CCBE1: variants seen among roughly 807,000 people sequenced by gnomAD.
CCBE1 encodes collagen and calcium binding EGF domains 1.
A neutral mutation model predicts 50.0 loss-of-function variants in CCBE1; 37 were observed. The ratio of observed to expected loss-of-function variants is 0.74; its 90% CI spans 0.57 to 0.97. The LOEUF (loss-of-function observed/expected upper bound fraction) is 0.97. Ranked by LOEUF, CCBE1 falls within the 50% of genes least tolerant of loss-of-function variation. The pLI is 0.00. For missense variants in CCBE1, 538 were observed against 523.8 expected, an observed-to-expected ratio of 1.03 and a Z score of -0.26; for synonymous variants, 234 against 203.7, an observed-to-expected ratio of 1.15 and a Z score of -1.27.
intron 2 of CCBE1, among the ~76,000 whole-genome samples, chr18:59,550,998 C>CAAAAAAAAAAAAAAAAAAAAAAGAAAAAA (rs1915894498): frequency 2.8e-5 from 2 of 71,362 alleles, no homozygotes; most frequent in Non-Finnish European, 5.1e-5. Context: ...CAGCGAGACT[C>CAAAAAAAAAAAAAAAAAAAAAAGAAAAAA]AAAAAAAAAA....
At chr18:59,489,405 T>C (rs1258853700) in intron 2 of CCBE1, among the ~76,000 whole-genome samples, 1 of 149,898 alleles carries the variant, frequency 6.7e-6, no homozygotes, top group Non-Finnish European at 1.5e-5. Context: ...TTCTTATTTT[T>C]CTTCTTTTTA....
chr18:59,634,475 C>T (rs532685495), intron 2 of CCBE1, among the ~76,000 whole-genome samples: 12 of 152,302 alleles, frequency 7.9e-5, no homozygotes, highest in African/African-American at 1.4e-4. Flanking sequence ...CCCGTGGAGG[C>T]CTGCTCTCAA....
intron 2 of CCBE1, among the ~76,000 whole-genome samples, chr18:59,657,029 A>T (rs1313128692): frequency 6.6e-6 from 1 of 152,182 alleles, no homozygotes; most frequent in Non-Finnish European, 1.5e-5. Flanking sequence ...GGACCCCAGA[A>T]TGTCTCCACC....
chr18:59,597,754 G>T (rs2053374766), intron 2 of CCBE1, among the ~76,000 whole-genome samples: 1 of 152,080 alleles, frequency 6.6e-6, no homozygotes, highest in African/African-American at 2.4e-5. Context: ...TTCATTCTCA[G>T]GAATGGTTTG....
rs1246911406 is a variant in CCBE1 at position 59,666,617 on chromosome 18, G to C, written c.212+30012C>G. Among the ~76,000 whole-genome samples, 3 of 151,650 alleles carry C rather than the reference G, an allele frequency of 2.0e-5. No homozygotes were observed. The East Asian group carries it at 5.8e-4, about 29-fold the overall frequency. ...AAGCTACAAGACACTTTTTTTTTGAGGTGGGGGGGTGGGGGCAGGGAACAA... is the reference window on the plus strand; with the variant it reads ...AAGCTACAAGACACTTTTTTTTTGACGTGGGGGGGTGGGGGCAGGGAACAA... On this transcript the variant is annotated intron_variant, in intron 2 of 10. Transcript: ENST00000439986.
intron 1 of CCBE1, 47 bp downstream of exon 1, chr18:59,697,165 G>A (rs1253247389): frequency 1.3e-6 from 2 of 1,546,420 alleles, no homozygotes; most frequent in South Asian, 1.2e-5. Flanking sequence ...CGAGCCGGGC[G>A]CGCATCAAGC....
chr18:59,620,512 C>T (rs1400835928), intron 2 of CCBE1, among the ~76,000 whole-genome samples: 2 of 152,170 alleles, frequency 1.3e-5, no homozygotes, highest in African/African-American at 2.4e-5. Flanking sequence ...AGGACAGGTG[C>T]TAATATGGTT....
intron 2 of CCBE1, among the ~76,000 whole-genome samples, chr18:59,679,945 C>T (rs1334329770): frequency 1.3e-5 from 2 of 152,130 alleles, no homozygotes; most frequent in African/African-American, 2.4e-5. Flanking sequence ...CAATCAAGGC[C>T]GGGCACAGTT....
intron 5 of CCBE1, 26 bp downstream of exon 5, chr18:59,466,713 G>GAGAT: frequency 6.3e-7 from 1 of 1,581,720 alleles, no homozygotes; most frequent in East Asian, 2.3e-5. Flanking sequence ...TGTAATTAGG[G>GAGAT]AGATATTTAG....
chr18:59,600,632 G>A (rs947569051), intron 2 of CCBE1, among the ~76,000 whole-genome samples: 8 of 152,104 alleles, frequency 5.3e-5, no homozygotes, highest in Admixed American at 6.6e-5. Context: ...ACCCGGGTTA[G>A]CAAAGGTCCT....
rs1482601078 is a variant in CCBE1 at position 59,652,479 on chromosome 18, C to CT, written c.212+44149_212+44150insA. ...TAAAGGTAACACAAACTGACTCCCC[C>CT]CCTTTTTTTTTAATGTAAACTCCAT... is the stretch of plus-strand genomic sequence containing the variant. On this transcript the variant is annotated intron_variant, in intron 2 of 10. Transcript: ENST00000439986. 5.0e-3 allele frequency among the ~76,000 whole-genome samples: 549 copies of CT among 109,706 alleles called. 2 individuals carry two copies. The highest frequency in any genetic ancestry group is 0.044 in the Middle Eastern group (10 of 226). The allele number at this position is 109,706 out of a possible 152,430, so 72.0% of individuals were successfully genotyped here. A position where few individuals can be genotyped will look rare whatever the true frequency, so the allele number is the denominator to read the frequency against.
chr18:59,630,010 T>C (rs376314617), intron 2 of CCBE1, among the ~76,000 whole-genome samples: 3 of 152,228 alleles, frequency 2.0e-5, no homozygotes, highest in African/African-American at 7.2e-5. Context: ...AAAAGGAGCC[T>C]ACTTTCTATT....
Position 59,439,529 on chromosome 18 carries a change from C to G in CCBE1, c.951+14G>C, listed in dbSNP as rs1221540955. The G allele has an allele frequency of 6.2e-7, 1 of 1,614,064 alleles. No individual in the cohort carries two copies. The highest frequency in any genetic ancestry group is 1.3e-5 in the African/African-American group (1 of 74,936). On this transcript the variant is annotated intron_variant, in intron 9 of 10. Coordinates refer to ENST00000439986, the MANE Select transcript of CCBE1 (RefSeq NM_133459.4). ...AGAGACCTTTAGCTTGTGAGGACCA[C>G]TCATAAGGCTTACCTTAGAACCATC...
intron 2 of CCBE1, among the ~76,000 whole-genome samples, chr18:59,630,334 T>C (rs183584928): frequency 6.6e-6 from 1 of 152,358 alleles, no homozygotes; most frequent in East Asian, 1.9e-4. Context: ...CACATTTGTG[T>C]TGAGATCATA....
intron 2 of CCBE1, among the ~76,000 whole-genome samples, chr18:59,582,744 C>T (rs1412103578): frequency 1.3e-5 from 2 of 152,012 alleles, no homozygotes; most frequent in East Asian, 3.9e-4. Flanking sequence ...AGGTAAAAAA[C>T]TAATACTCAA....
Position 59,667,471 on chromosome 18 carries a change from C to T in CCBE1, c.212+29158G>A, listed in dbSNP as rs189580824. Among the ~76,000 whole-genome samples, 145 of 152,240 alleles carry T rather than the reference C, an allele frequency of 9.5e-4. 2 individuals carry two copies. In the South Asian group the frequency reaches 0.021, roughly 22 times the overall value. ...TGAAGCACTGAGGGGCTGGCAACAGCAGGAAACTGCTACCCCATCACCTGA... is the reference window on the plus strand; with the variant it reads ...TGAAGCACTGAGGGGCTGGCAACAGTAGGAAACTGCTACCCCATCACCTGA... On this transcript the variant is annotated intron_variant, in intron 2 of 10. Coordinates refer to ENST00000439986, the MANE Select transcript of CCBE1 (RefSeq NM_133459.4).
intron 6 of CCBE1, among the ~76,000 whole-genome samples, chr18:59,453,121 C>T (rs770900908): frequency 3.3e-5 from 5 of 152,186 alleles, no homozygotes; most frequent in South Asian, 2.1e-4. Context: ...GAATGACTTG[C>T]GCTATTTAGC....
chr18:59,613,116 G>A (rs528954775), intron 2 of CCBE1, among the ~76,000 whole-genome samples: 21 of 152,070 alleles, frequency 1.4e-4, no homozygotes, highest in African/African-American at 4.3e-4. Flanking sequence ...TGCTCTTATC[G>A]GAAGTAACTG....
At chr18:59,506,899 G>A (rs768202932) in intron 2 of CCBE1, among the ~76,000 whole-genome samples, 1 of 152,188 alleles carries the variant, frequency 6.6e-6, no homozygotes, top group South Asian at 2.1e-4. Flanking sequence ...CCCAGATATA[G>A]AAGATGTTGA....
Sources: gnomAD v4.1 joint callset for allele counts (sites outside exome capture counted in the v4.1 genomes callset) on GRCh38, gnomAD v4.1.1 for gene constraint, MANE v1.5 for transcripts, NCBI Gene and HGNC (gene_info 2026-07-23, HGNC 2026-07-21) for gene names.